Variants in COLQ observed in about 807,000 individuals in gnomAD.
COLQ encodes the protein collagen like tail subunit of asymmetric acetylcholinesterase, also known as acetylcholinesterase collagenic tail peptide.
COLQ carries 48 observed loss-of-function variants against 69.0 expected under a neutral mutation model. The ratio of observed to expected loss-of-function variants is 0.70; its 90% CI spans 0.55 to 0.88. The LOEUF (loss-of-function observed/expected upper bound fraction) is 0.88, where lower values mean the gene tolerates loss of function less well. Among genes scored for constraint, COLQ ranks in the 40% least tolerant of loss-of-function variants. The pLI is 0.00. For missense variants in COLQ, 618 were observed against 594.6 expected (o/e 1.04, Z -0.41); for synonymous variants, 217 against 211.2 (o/e 1.03, Z -0.24).
intron 12 of COLQ, among the ~76,000 whole-genome samples, chr3:15,461,998 CTTATTTATTTATTTATTTAT>C (rs71045162): frequency 0.031 from 4,320 of 137,988 alleles, 196 homozygotes; most frequent in African/African-American, 0.11. Flanking sequence ...ACAGGGATAA[CTTATTTATTTATTTATTTAT>C]TTATTTATTT....
At chr3:15,512,816 G>A (rs897791202) in intron 1 of COLQ, among the ~76,000 whole-genome samples, 2 of 152,178 alleles carry the variant, frequency 1.3e-5, no homozygotes, top group African/African-American at 4.8e-5. Context: ...GTGAAATCCT[G>A]CTTTTACAGC....
intron 1 of COLQ, among the ~76,000 whole-genome samples, chr3:15,513,984 T>A (rs2063022149): frequency 6.6e-6 from 1 of 152,122 alleles, no homozygotes; most frequent in African/African-American, 2.4e-5. Context: ...GCAGAGGACA[T>A]TTGACACAGA....
chr3:15,452,548 G>C (rs531158128), intron 16 of COLQ, among the ~76,000 whole-genome samples: 1 of 152,252 alleles, frequency 6.6e-6, no homozygotes, highest in East Asian at 1.9e-4. Context: ...CTGGGGAATA[G>C]CTGTGTAACC....
chr3:15,468,701 T>C (rs947158040), intron 11 of COLQ, among the ~76,000 whole-genome samples: 1 of 152,110 alleles, frequency 6.6e-6, no homozygotes, highest in Non-Finnish European at 1.5e-5. Context: ...TCCTGAAGCA[T>C]GAAGGTAGCT....
intron 11 of COLQ, among the ~76,000 whole-genome samples, chr3:15,467,101 T>C (rs933896210): frequency 6.6e-6 from 1 of 152,244 alleles, no homozygotes; most frequent in Non-Finnish European, 1.5e-5. Context: ...TATGGATTAT[T>C]TGTGTGGTCA....
At chr3:15,490,936 G>A (rs1342209979) in intron 1 of COLQ, among the ~76,000 whole-genome samples, 1 of 152,088 alleles carries the variant, frequency 6.6e-6, no homozygotes, top group Non-Finnish European at 1.5e-5. Flanking sequence ...GATCTTTAAA[G>A]TTTCAGGTTC....
intron 5 of COLQ, chr3:15,478,747 C>A: frequency 3.2e-6 from 2 of 621,688 alleles, no homozygotes; most frequent in Non-Finnish European, 5.8e-6. Flanking sequence ...CTTGGCAGCC[C>A]CCGGAAGAAG....
intron 16 of COLQ, 21 bp from the exon 17 acceptor site, chr3:15,451,734 T>C (rs368989006): frequency 1.2e-6 from 2 of 1,608,062 alleles, no homozygotes; most frequent in Non-Finnish European, 1.7e-6. Flanking sequence ...CAAAGACACG[T>C]TCTAAAAGGC....
chr3:15,455,936 A>G lies in COLQ; in HGVS notation c.1158T>C (p.Cys386=). Residue 386 remains cysteine (C), a synonymous_variant, in exon 15 of 17, where the codon TGT becomes TGC. Coordinates refer to ENST00000383788, the MANE Select transcript of COLQ (RefSeq NM_005677.4). The part of the protein sequence containing the change: ...GDGLLQPGEE[C]DDGNSDVGDD... Reference sequence around the variant, plus strand: ...CACCCACATCGCTGTTACCGTCGTCACACTCCTCCCCAGGCTGCAGGAGCC... The same window carrying G: ...CACCCACATCGCTGTTACCGTCGTCGCACTCCTCCCCAGGCTGCAGGAGCC... 5 of 1,614,112 alleles carry G rather than the reference A, an allele frequency of 3.1e-6. No homozygotes were observed. The highest frequency in any genetic ancestry group is 4.2e-6 in the Non-Finnish European group (5 of 1,180,006).
chr3:15,460,089 T>C (rs929691683), intron 12 of COLQ, among the ~76,000 whole-genome samples: 1 of 152,218 alleles, frequency 6.6e-6, no homozygotes, highest in African/African-American at 2.4e-5. Context: ...TACAATTTCA[T>C]GGTTTCCTAT....
chr3:15,479,214 C>A (rs905440254), intron 4 of COLQ, 124 bp downstream of exon 4: 14 of 1,192,924 alleles, frequency 1.2e-5, no homozygotes, highest in Non-Finnish European at 1.8e-5. Flanking sequence ...TGGAACCCAG[C>A]CTCTCACCAA....
At chr3:15,480,428 G>A (rs540229605) in intron 3 of COLQ, among the ~76,000 whole-genome samples, 84 of 151,920 alleles carry the variant, frequency 5.5e-4, no homozygotes, top group South Asian at 1.7e-3. Flanking sequence ...GAGAACATGC[G>A]GTGTTTGGTT....
rs375727545 is a variant in COLQ at position 15,488,324 on chromosome 3, C to G, written c.220-17G>C. 11 of 1,608,890 alleles carry G rather than the reference C, an allele frequency of 6.8e-6. No individual in the cohort carries two copies. Among genetic ancestry groups the G allele is most frequent in the East Asian group, 4.5e-5 (2 of 44,872 alleles). The stretch of plus-strand genomic sequence containing the variant: ...GGAGAGAAGCTTCAGTACAAAGCAA[C>G]ACAGAGTTAGAGGTCAGGCGTAGGG... On this transcript the variant is annotated splice_polypyrimidine_tract_variant and intron_variant, in intron 2 of 16. Coordinates refer to ENST00000383788, the MANE Select transcript of COLQ (RefSeq NM_005677.4).
chr3:15,519,788 C>T (rs971675827), intron 1 of COLQ, among the ~76,000 whole-genome samples: 5 of 152,214 alleles, frequency 3.3e-5, no homozygotes, highest in Admixed American at 6.5e-5. Flanking sequence ...GTTCTTTTCT[C>T]TCTAGTTTTC....
chr3:15,484,402 G>A (rs2062540621), intron 3 of COLQ, among the ~76,000 whole-genome samples: 1 of 152,154 alleles, frequency 6.6e-6, no homozygotes, highest in Non-Finnish European at 1.5e-5. Flanking sequence ...TGAAAGGCAG[G>A]CTCTTCTTGA....
chr3:15,496,438 T>C (rs1023059971), intron 1 of COLQ: 4 of 155,720 alleles, frequency 2.6e-5, no homozygotes, highest in Non-Finnish European at 4.4e-5. Context: ...CATGTCTATT[T>C]TGGTGTCATC....
Position 15,458,214 on chromosome 3 carries a change from T to C in COLQ, c.926A>G (p.Tyr309Cys), listed in dbSNP as rs200232229. The C allele has an allele frequency of 1.2e-6, 2 of 1,613,862 alleles. No homozygotes were observed. Among genetic ancestry groups the C allele is most frequent in the Admixed American group, 1.7e-5 (1 of 59,992 alleles). The change falls in exon 13 of 17, where the codon TAT becomes TGT. Residue 309 changes from tyrosine (Y) to cysteine (C), a missense_variant. Tyr to Cys is a radical substitution (Grantham distance 194). Transcript: ENST00000383788. Reference sequence around the variant, plus strand: ...AGGAACTCGCGGGGAACTGGGCCCATACACAGATTCCCCGTAGGAAGGGTT... The same window carrying C: ...AGGAACTCGCGGGGAACTGGGCCCACACACAGATTCCCCGTAGGAAGGGTT... ...VNNPSYGESV[Y>C]GPSSPRVPVI... is the part of the protein sequence containing the mutation.
chr3:15,510,735 T>C (rs1440105967), intron 1 of COLQ, among the ~76,000 whole-genome samples: 2 of 69,850 alleles, frequency 2.9e-5, no homozygotes, highest in East Asian at 1.2e-3. Flanking sequence ...GGGGACAGGA[T>C]GGGAGGGGAC....
chr3:15,498,430 C>T, intron 1 of COLQ: 1 of 1,446,284 alleles, frequency 6.9e-7, no homozygotes, highest in Non-Finnish European at 9.4e-7. Context: ...GTACAGTCTG[C>T]TTTCCAAGAG....
Sources: allele counts gnomAD v4.1 joint callset (sites outside exome capture counted in the v4.1 genomes callset), GRCh38; gene constraint gnomAD v4.1.1; transcripts MANE v1.5; gene names NCBI Gene and HGNC (gene_info 2026-07-23, HGNC 2026-07-21).